ADAMTSL1: variants seen among roughly 807,000 people sequenced by gnomAD.
The protein encoded by ADAMTSL1 is ADAMTS like 1, also known as ADAMTS-like protein 1.
A neutral mutation model predicts 201.8 loss-of-function variants in ADAMTSL1; 126 were observed. The ratio of observed to expected loss-of-function variants is 0.62; its 90% CI spans 0.54 to 0.72. ADAMTSL1 has a LOEUF of 0.72. ADAMTSL1 is among the 30% of genes least tolerant of loss of function. The probability of loss-of-function intolerance (pLI) is 0.00; values close to 1 mark genes in which losing one functional copy is unlikely to be tolerated. For missense variants in ADAMTSL1, 2,679 were observed against 2,277.8 expected (o/e 1.18, Z -3.59); for synonymous variants, 1,121 against 903.4 (o/e 1.24, Z -4.32).
intron 19 of ADAMTSL1, among the ~76,000 whole-genome samples, chr9:18,782,977 T>C (rs574853480): frequency 6.6e-6 from 1 of 152,216 alleles, no homozygotes; most frequent in East Asian, 1.9e-4. Flanking sequence ...TTACACTGAG[T>C]ACTACAGGAA....
chr9:17,981,389 T>C (rs1818687531), intron 1 of ADAMTSL1, among the ~76,000 whole-genome samples: 1 of 152,248 alleles, frequency 6.6e-6, no homozygotes, highest in African/African-American at 2.4e-5. Context: ...ATTTATTTCA[T>C]TAAGTATGCT....
intron 3 of ADAMTSL1, among the ~76,000 whole-genome samples, chr9:18,567,926 T>C (rs996671545): frequency 3.9e-5 from 6 of 152,250 alleles, no homozygotes; most frequent in Non-Finnish European, 8.8e-5. Context: ...ACCTCTATTG[T>C]ACTATTATAA....
chr9:17,949,654 G>A (rs1050013081), intron 1 of ADAMTSL1, among the ~76,000 whole-genome samples: 1 of 152,136 alleles, frequency 6.6e-6, no homozygotes, highest in Non-Finnish European at 1.5e-5. Flanking sequence ...TTGCTCACAG[G>A]CAGCATGGTA....
chr9:18,085,628 C>T (rs1005847988), intron 1 of ADAMTSL1, among the ~76,000 whole-genome samples: 1 of 146,748 alleles, frequency 6.8e-6, no homozygotes, highest in Admixed American at 6.8e-5. Flanking sequence ...CGTATATACA[C>T]TGTGTGTGTA....
chr9:18,794,414 A>AC (rs1289950467), intron 19 of ADAMTSL1, among the ~76,000 whole-genome samples: 1 of 86,096 alleles, frequency 1.2e-5, no homozygotes, highest in Non-Finnish European at 2.4e-5. Flanking sequence ...CAAAAAAAAA[A>AC]AACAAAAACA....
At chr9:18,135,596 G>T (rs1320214937) in intron 1 of ADAMTSL1, among the ~76,000 whole-genome samples, 1 of 151,882 alleles carries the variant, frequency 6.6e-6, no homozygotes. Flanking sequence ...GGAGTTTGAG[G>T]CCAGCCTAGG....
chr9:18,534,361 T>G (rs112373974), intron 3 of ADAMTSL1, among the ~76,000 whole-genome samples: 2,349 of 152,100 alleles, frequency 0.015, 25 homozygotes, highest in South Asian at 0.021. Context: ...AAACCCTGTC[T>G]CTTATAAGAA....
At chr9:18,273,692 A>G (rs1832474690) in intron 2 of ADAMTSL1, among the ~76,000 whole-genome samples, 1 of 152,150 alleles carries the variant, frequency 6.6e-6, no homozygotes, top group African/African-American at 2.4e-5. Context: ...ATCCCGCCTA[A>G]AAGCCAAATT....
chr9:18,898,105 C>G (rs1398666799), intron 26 of ADAMTSL1, among the ~76,000 whole-genome samples: 2 of 152,044 alleles, frequency 1.3e-5, no homozygotes. Context: ...AGGAGAATCA[C>G]TTGAACCCAG....
intron 3 of ADAMTSL1, among the ~76,000 whole-genome samples, chr9:18,562,396 C>G (rs1821571838): frequency 6.6e-6 from 1 of 152,238 alleles, no homozygotes; most frequent in African/African-American, 2.4e-5. Flanking sequence ...TGCTGTTAGA[C>G]TGATGGGCTT....
At chr9:18,517,838 T>C (rs1186875477) in intron 2 of ADAMTSL1, among the ~76,000 whole-genome samples, 6 of 152,198 alleles carry the variant, frequency 3.9e-5, no homozygotes, top group Non-Finnish European at 1.5e-5. Context: ...TCTTTGCTAT[T>C]GTGAATAATG....
chr9:18,549,206 G>T (rs1564036858), intron 3 of ADAMTSL1, among the ~76,000 whole-genome samples: 1 of 151,944 alleles, frequency 6.6e-6, no homozygotes, highest in African/African-American at 2.4e-5. Context: ...TTAGGATAAG[G>T]GGGAAATAGT....
rs139376008 is a variant in ADAMTSL1, at chr9:18,418,609, A to G, written c.208-86220A>G. On this transcript the variant is annotated intron_variant, in intron 2 of 29. Coordinates refer to the ADAMTSL1 transcript ENST00000680146. Reference sequence around the variant, plus strand: ...ATACTATTTAAGAAATAGGGATAAAATGGGGAAAATGATATAGGGCTAACA... The same window carrying G: ...ATACTATTTAAGAAATAGGGATAAAGTGGGGAAAATGATATAGGGCTAACA... Among the ~76,000 whole-genome samples, 701 of 152,318 alleles carry G rather than the reference A, an allele frequency of 4.6e-3. 5 individuals are homozygous for G. The highest frequency in any genetic ancestry group is 0.016 in the African/African-American group (663 of 41,578).
At chr9:18,510,843 T>C (rs1817980963) in intron 2 of ADAMTSL1, among the ~76,000 whole-genome samples, 1 of 152,138 alleles carries the variant, frequency 6.6e-6, no homozygotes, top group Admixed American at 6.6e-5. Context: ...ACTAGGTACC[T>C]TGAGAAGCTG....
chr9:18,103,885 T>C (rs1167475843), intron 1 of ADAMTSL1, among the ~76,000 whole-genome samples: 1 of 152,204 alleles, frequency 6.6e-6, no homozygotes, highest in African/African-American at 2.4e-5. Flanking sequence ...GAGGAATTGC[T>C]GCATGCTACA....
rs1010343254 is a variant in ADAMTSL1, at chr9:18,826,360, C to G, written c.4011C>G (p.Ser1337=). Residue 1337 remains serine, a synonymous_variant, in exon 22 of 29, where the codon TCC becomes TCG. Coordinates refer to ENST00000380548, the MANE Select transcript of ADAMTSL1 (RefSeq NM_001040272.6). ...LGSPHHLHEG[S]LLLTNVSSSD... is the part of the protein sequence containing the mutation. Reference sequence around the variant, plus strand: ...CCCCGCACCATCTGCACGAAGGCTCCTTGCTGCTCACAAACGTGTCCTCCT... The same window carrying G: ...CCCCGCACCATCTGCACGAAGGCTCGTTGCTGCTCACAAACGTGTCCTCCT... 9 of 1,613,508 alleles carry G rather than the reference C, an allele frequency of 5.6e-6. No individual in the cohort carries two copies. In the South Asian group the frequency reaches 9.9e-5, roughly 18 times the overall value.
intron 7 of ADAMTSL1, among the ~76,000 whole-genome samples, chr9:18,640,703 A>C (rs941771180): frequency 2.6e-5 from 4 of 152,004 alleles, no homozygotes; most frequent in African/African-American, 9.7e-5. Flanking sequence ...CAGGCAAATC[A>C]GAAACCTTTG....
At chr9:18,826,904 T>G (rs1824606943) in intron 22 of ADAMTSL1, among the ~76,000 whole-genome samples, 1 of 152,212 alleles carries the variant, frequency 6.6e-6, no homozygotes, top group Non-Finnish European at 1.5e-5. Context: ...TTTCATATAA[T>G]TCCAGGAAGC....
chr9:18,363,673 T>C (rs1341482393), intron 2 of ADAMTSL1, among the ~76,000 whole-genome samples: 1 of 152,160 alleles, frequency 6.6e-6, no homozygotes, highest in African/African-American at 2.4e-5. Context: ...GTCCATGATA[T>C]ATAAAGGCAA....
Sources: allele counts gnomAD v4.1 joint callset (sites outside exome capture counted in the v4.1 genomes callset), GRCh38; gene constraint gnomAD v4.1.1; transcripts MANE v1.5; gene names NCBI Gene and HGNC (gene_info 2026-07-23, HGNC 2026-07-21).